The following TJP1 variants were observed in gnomAD, a reference collection of about 807,000 sequenced individuals.
The protein encoded by TJP1 is tight junction protein 1.
Under a neutral mutation model 194.2 loss-of-function variants are expected in TJP1, and 43 were observed. That is an observed-to-expected ratio of 0.22 (90% confidence interval 0.17 to 0.29). The LOEUF is 0.29. Among genes scored for constraint, TJP1 ranks in the 10% least tolerant of loss-of-function variants. TJP1 has a pLI of 1.00. For missense variants in TJP1, 1,971 were observed against 2,185.7 expected, an observed-to-expected ratio of 0.90 and a Z score of 1.96; for synonymous variants, 801 against 779.0, an observed-to-expected ratio of 1.03 and a Z score of -0.47.
intron 1 of TJP1, among the ~76,000 whole-genome samples, chr15:29,812,417 CCT>C (rs1268066419): frequency 6.6e-6 from 1 of 152,172 alleles, no homozygotes; most frequent in Non-Finnish European, 1.5e-5. Flanking sequence ...GGATTTGCAA[CCT>C]CTTGAAAAAC....
chr15:29,717,911 C>A, intron 22 of TJP1, 110 bp downstream of exon 22: 1 of 848,674 alleles, frequency 1.2e-6, no homozygotes. Flanking sequence ...AGGACAAACT[C>A]CTCCTATTCA....
chr15:29,756,250 T>C lies in TJP1; in HGVS notation c.1010+4889A>G, dbSNP rs373877487. Among the ~76,000 whole-genome samples the C allele has an allele frequency of 1.8e-4, 28 of 152,286 alleles. No homozygotes were observed. The East Asian group carries it at 4.8e-3, about 26-fold the overall frequency. On this transcript the variant is annotated intron_variant, in intron 8 of 27. Coordinates refer to ENST00000614355, the MANE Select transcript of TJP1 (RefSeq NM_001330239.4). ...CCAAGTCTTGGCCCAGACTGGGCTCTGCAACAATACTAAGTGAAATACAAA... is the reference window on the plus strand; with the variant it reads ...CCAAGTCTTGGCCCAGACTGGGCTCCGCAACAATACTAAGTGAAATACAAA...
intron 5 of TJP1, among the ~76,000 whole-genome samples, chr15:29,762,643 G>A (rs1321525320): frequency 1.3e-5 from 2 of 152,182 alleles, no homozygotes; most frequent in African/African-American, 4.8e-5. Flanking sequence ...AAGGGAAAGT[G>A]TATGGTTCAA....
At chr15:29,833,813 ACCT>A (rs1413099989) in intron 2 of TJP1, among the ~76,000 whole-genome samples, 5 of 136,886 alleles carry the variant, frequency 3.7e-5, no homozygotes, top group African/African-American at 5.4e-5. Flanking sequence ...AATTTATCCA[ACCT>A]CCTCATTTAT....
chr15:29,949,351 C>A (rs796294996), intron 2 of TJP1, among the ~76,000 whole-genome samples: 1 of 140,778 alleles, frequency 7.1e-6, no homozygotes, highest in African/African-American at 2.5e-5. Context: ...CCACCACCAC[C>A]ACCTCCACCA....
At chr15:29,849,537 G>T (rs1276404793) in intron 2 of TJP1, among the ~76,000 whole-genome samples, 1 of 151,610 alleles carries the variant, frequency 6.6e-6, no homozygotes, top group Non-Finnish European at 1.5e-5. Flanking sequence ...TCAGCAATTT[G>T]ATACCAGCCT....
intron 2 of TJP1, among the ~76,000 whole-genome samples, chr15:29,786,014 G>A (rs1000405621): frequency 2.0e-5 from 3 of 152,286 alleles, no homozygotes; most frequent in African/African-American, 7.2e-5. Flanking sequence ...GGGATCCCAA[G>A]AGATTTAAAG....
At chr15:29,771,870 G>A (rs1206447231) in intron 4 of TJP1, among the ~76,000 whole-genome samples, 194 bp downstream of exon 4, 1 of 151,600 alleles carries the variant, frequency 6.6e-6, no homozygotes, top group Non-Finnish European at 1.5e-5. Flanking sequence ...AAAAATCCTG[G>A]TATCTAAACT....
chr15:29,773,257 C>G lies in TJP1; in HGVS notation c.185G>C (p.Gly62Ala). 1 of 1,614,034 alleles carries G rather than the reference C, an allele frequency of 6.2e-7. No homozygotes were observed. Among genetic ancestry groups the G allele is most frequent in the Non-Finnish European group, 8.5e-7 (1 of 1,179,920 alleles). ...CTGTAGCTGTCCTTCAGCTGGTCCT[C>G]CTTTCAGCACATCTGAAATCACTAT... Reference protein sequence around the residue: ...TSIVISDVLKGGPAEGQLQEN... With the variant: ...TSIVISDVLKAGPAEGQLQEN... The change falls in exon 3 of 28, where the codon GGA becomes GCA. Residue 62 changes from glycine (G) to alanine (A), a missense_variant. Gly to Ala is a moderately conservative substitution (Grantham distance 60). This residue lies in a region of TJP1 where 245 missense variants were observed against 336.6 expected (regional missense o/e 0.73). Transcript: ENST00000614355.
chr15:29,778,814 C>G (rs1159850439), intron 2 of TJP1, among the ~76,000 whole-genome samples: 1 of 152,150 alleles, frequency 6.6e-6, no homozygotes, highest in East Asian at 1.9e-4. Flanking sequence ...CATGTCACCT[C>G]ATTCATAAAA....
intron 12 of TJP1, among the ~76,000 whole-genome samples, chr15:29,733,806 A>G (rs2043831604): frequency 1.3e-5 from 2 of 152,154 alleles, no homozygotes; most frequent in African/African-American, 4.8e-5. Flanking sequence ...AGCCCCTAAA[A>G]CCACATTATT....
chr15:29,781,299 G>A (rs1442083691), intron 2 of TJP1, among the ~76,000 whole-genome samples: 1 of 151,958 alleles, frequency 6.6e-6, no homozygotes, highest in African/African-American at 2.4e-5. Flanking sequence ...GAACATACCA[G>A]TAACAAACGC....
chr15:29,968,556 G>T, intron 1 of TJP1: 1 of 805,614 alleles, frequency 1.2e-6, no homozygotes, highest in Non-Finnish European at 1.5e-6. Context: ...CGACAGTCGC[G>T]GCCTCGCCCC....
chr15:29,938,217 C>T (rs546870661), intron 2 of TJP1, among the ~76,000 whole-genome samples: 2 of 152,124 alleles, frequency 1.3e-5, no homozygotes, highest in African/African-American at 2.4e-5. Context: ...GACTGACTCA[C>T]CTAAATAAAA....
At chr15:29,885,541 A>G (rs1461754116) in intron 2 of TJP1, among the ~76,000 whole-genome samples, 3 of 152,272 alleles carry the variant, frequency 2.0e-5, no homozygotes, top group Non-Finnish European at 4.4e-5. Flanking sequence ...CAGTACAGTT[A>G]GCAGACAACT....
At chr15:29,918,685 G>A (rs2054263756) in intron 2 of TJP1, among the ~76,000 whole-genome samples, 1 of 152,096 alleles carries the variant, frequency 6.6e-6, no homozygotes, top group South Asian at 2.1e-4. Context: ...GCTGCAGTAA[G>A]CTGAGATTGT....
At chr15:29,729,191 A>C (rs1228159363) in intron 15 of TJP1, 1 of 152,096 alleles carries the variant, frequency 6.6e-6, no homozygotes, top group African/African-American at 2.4e-5. Context: ...CCCAGCCACT[A>C]GGGGAGGCTG....
In TJP1 at chr15:29,791,199, TG is replaced by T. The variant is rs535796290; in HGVS notation, c.84+9446del. Among the ~76,000 whole-genome samples the T allele has an allele frequency of 4.4e-3, 665 of 151,758 alleles. 4 individuals are homozygous for T. The highest frequency in any genetic ancestry group is 6.7e-3 in the Non-Finnish European group (457 of 67,934). On this transcript the variant is annotated intron_variant, in intron 2 of 27. Coordinates refer to ENST00000614355, the MANE Select transcript of TJP1 (RefSeq NM_001330239.4). ...ACACCACCACATTTGGCTAATTTTT[TG>T]TATTTTAGTAGAGACGGGATTTCTC...
intron 1 of TJP1, among the ~76,000 whole-genome samples, chr15:29,802,786 T>C (rs144391925): frequency 2.6e-5 from 4 of 152,306 alleles, no homozygotes; most frequent in Non-Finnish European, 5.9e-5. Context: ...TCATCTTTTC[T>C]TGATCTATTT....
Sources: allele counts gnomAD v4.1 joint callset (sites outside exome capture counted in the v4.1 genomes callset), GRCh38; gene constraint gnomAD v4.1.1; regional missense constraint gnomAD v4.1.1; transcripts MANE v1.5; gene names NCBI Gene and HGNC (gene_info 2026-07-23, HGNC 2026-07-21).